The following UGGT1 variants were observed in gnomAD, a reference collection of about 807,000 sequenced individuals.
UGGT1 encodes UDP-glucose:glycoprotein glucosyltransferase 1.
In UGGT1, 107 loss-of-function variants were observed where a neutral mutation model predicts 203.9. That is an observed-to-expected ratio of 0.52 (90% CI 0.45 to 0.62). The LOEUF is 0.62. Ranked by LOEUF, UGGT1 falls within the 20% of genes least tolerant of loss-of-function variation. The pLI, the probability that UGGT1 is intolerant of heterozygous loss-of-function variation, is 0.00. For synonymous variants in UGGT1, 628 were observed against 653.5 expected (o/e 0.96, Z 0.59); for missense variants, 1,673 against 1,867.2 (o/e 0.90, Z 1.92).
At chr2:128,121,050 A>G in intron 9 of UGGT1, 149 bp from the exon 10 acceptor site, 1 of 734,702 alleles carries the variant, frequency 1.4e-6, no homozygotes, top group Non-Finnish European at 2.2e-6. Context: ...ATAAAACCTG[A>G]AATTAAATCA....
chr2:128,117,958 T>C (rs1292688356), intron 8 of UGGT1, among the ~76,000 whole-genome samples: 1 of 89,026 alleles, frequency 1.1e-5, no homozygotes, highest in Non-Finnish European at 2.4e-5. Context: ...TATTAGGACA[T>C]TTTGTGTGTG....
intron 23 of UGGT1, 50 bp from the exon 24 acceptor site, chr2:128,160,410 T>C: frequency 6.5e-7 from 1 of 1,533,768 alleles, no homozygotes; most frequent in Non-Finnish European, 8.8e-7. Context: ...TTTGTTTATA[T>C]GGTTTGCTTA....
At chr2:128,135,095 G>A (rs904911251) in intron 15 of UGGT1, 134 bp downstream of exon 15, 1 of 732,200 alleles carries the variant, frequency 1.4e-6, no homozygotes, top group Non-Finnish European at 2.3e-6. Flanking sequence ...TTTATCTTCT[G>A]GTCAGTATGA....
rs770392849 is a variant in UGGT1 at position 128,120,396 on chromosome 2, A to C, written c.913A>C (p.Arg305=). The C allele has an allele frequency of 6.2e-7, 1 of 1,614,126 alleles. No individual in the cohort carries two copies. Among genetic ancestry groups the C allele is most frequent in the South Asian group, 1.1e-5 (1 of 91,066 alleles). ...CCTGGAGGGACAGTTGAAAGAACTCAGAAAGCATCTTGTAGAGAGCACCAA... is the reference window on the plus strand; with the variant it reads ...CCTGGAGGGACAGTTGAAAGAACTCCGAAAGCATCTTGTAGAGAGCACCAA... ...PDLEGQLKEL[R]KHLVESTNEM... is the part of the protein sequence containing the mutation. Residue 305 remains arginine, a synonymous_variant, in exon 9 of 41, where the codon AGA becomes CGA. Coordinates refer to ENST00000259253, the MANE Select transcript of UGGT1 (RefSeq NM_020120.4).
intron 12 of UGGT1, among the ~76,000 whole-genome samples, chr2:128,127,684 C>T (rs1688668920): frequency 6.6e-6 from 1 of 152,098 alleles, no homozygotes; most frequent in South Asian, 2.1e-4. Context: ...CTGAGGCTGT[C>T]CTTTTAGAAG....
intron 16 of UGGT1, among the ~76,000 whole-genome samples, chr2:128,140,923 A>G (rs1689390142): frequency 6.6e-6 from 1 of 152,062 alleles, no homozygotes; most frequent in African/African-American, 2.4e-5. Context: ...ACTGAGCTTA[A>G]ACAATCTTAC....
chr2:128,092,449 C>T (rs543572306), intron 1 of UGGT1, among the ~76,000 whole-genome samples: 30 of 151,564 alleles, frequency 2.0e-4, no homozygotes, highest in Non-Finnish European at 1.3e-4. Flanking sequence ...AGTAGCATAG[C>T]ACATTTATAA....
intron 6 of UGGT1, among the ~76,000 whole-genome samples, chr2:128,114,771 C>T (rs978209785): frequency 5.9e-5 from 9 of 152,250 alleles, no homozygotes; most frequent in African/African-American, 2.2e-4. Flanking sequence ...TTGCTTCTAC[C>T]TTGGAATTCC....
At chr2:128,166,828 AT>A (rs1375203827) in intron 26 of UGGT1, among the ~76,000 whole-genome samples, 2 of 152,232 alleles carry the variant, frequency 1.3e-5, no homozygotes, top group African/African-American at 2.4e-5. Context: ...GGCTTTAAAT[AT>A]AGATGCCTGT....
chr2:128,144,914 C>T lies in UGGT1; in HGVS notation c.1852-889C>T, dbSNP rs185858732. On this transcript the variant is annotated intron_variant, in intron 17 of 40. Coordinates refer to ENST00000259253, the MANE Select transcript of UGGT1 (RefSeq NM_020120.4). ...GACATTTGTAAAGTTGCCCACTTTA[C>T]ATCTTGGGTGGTAATACAGTTTTTA... is the stretch of plus-strand genomic sequence containing the variant. 1.1e-4 allele frequency among the ~76,000 whole-genome samples: 17 copies of T among 152,326 alleles called. No individual in the cohort carries two copies. In the East Asian group the frequency reaches 3.1e-3, roughly 28 times the overall value.
At chr2:128,120,097 C>T (rs1323994520) in intron 8 of UGGT1, among the ~76,000 whole-genome samples, 1 of 151,994 alleles carries the variant, frequency 6.6e-6, no homozygotes. Context: ...CCTTTGTTAA[C>T]CACTCTCAGT....
chr2:128,155,920 T>TG (rs2104723179), intron 20 of UGGT1, among the ~76,000 whole-genome samples: 1 of 152,342 alleles, frequency 6.6e-6, no homozygotes, highest in Non-Finnish European at 1.5e-5. Flanking sequence ...AAAATGACTG[T>TG]ACAGGGTTAA....
chr2:128,104,246 G>A (rs1276054562), intron 3 of UGGT1, among the ~76,000 whole-genome samples: 1 of 151,958 alleles, frequency 6.6e-6, no homozygotes, highest in Admixed American at 6.5e-5. Flanking sequence ...TCTTGTTTTT[G>A]TTCTATCGTG....
intron 30 of UGGT1, 48 bp from the exon 31 acceptor site, chr2:128,174,725 A>G (rs1691288103): frequency 5.7e-6 from 8 of 1,412,930 alleles, no homozygotes; most frequent in Non-Finnish European, 7.9e-6. Flanking sequence ...CAGAAATAAC[A>G]TTTTGGTGTT....
chr2:128,142,514 G>A (rs1362493620), intron 16 of UGGT1, among the ~76,000 whole-genome samples: 2 of 150,722 alleles, frequency 1.3e-5, no homozygotes, highest in Admixed American at 1.3e-4. Context: ...GAACCTGGGA[G>A]GTAGAGGTTG....
intron 17 of UGGT1, among the ~76,000 whole-genome samples, chr2:128,143,518 A>G (rs1243007106): frequency 6.6e-6 from 1 of 152,222 alleles, no homozygotes; most frequent in African/African-American, 2.4e-5. Context: ...GTGGATGATT[A>G]TGATATCAAA....
chr2:128,102,074 C>A (rs1228877975), intron 2 of UGGT1, among the ~76,000 whole-genome samples: 8 of 152,166 alleles, frequency 5.3e-5, no homozygotes, highest in African/African-American at 1.9e-4. Context: ...ACCATCACCA[C>A]CCCCTTCTCT....
chr2:128,187,692 A>T (rs1365600781), intron 40 of UGGT1, 78 bp downstream of exon 40: 2 of 1,416,200 alleles, frequency 1.4e-6, no homozygotes, highest in South Asian at 1.6e-5. Context: ...CAATAGAATA[A>T]TGGATAAAAG....
rs775747791 is a variant in UGGT1, at chr2:128,192,373, T to C, written c.*2631T>C. 2 of 151,960 alleles carry C rather than the reference T, an allele frequency of 1.3e-5. No homozygotes were observed. Among genetic ancestry groups the C allele is most frequent in the Non-Finnish European group, 2.9e-5 (2 of 67,996 alleles). The allele number at this position is 151,960 out of a possible 1,614,324, so 9.4% of individuals were successfully genotyped here. On this transcript the variant is annotated 3_prime_UTR_variant, in exon 41 of 41. Transcript: ENST00000259253. ...AAATATTTTCTCCAAGAAGGCATAC[T>C]GTAACAGAAAAGATAGGTAAGATAT... is the stretch of plus-strand genomic sequence containing the variant.
Sources: allele counts gnomAD v4.1 joint callset (sites outside exome capture counted in the v4.1 genomes callset), GRCh38; gene constraint gnomAD v4.1.1; transcripts MANE v1.5; gene names NCBI Gene and HGNC (gene_info 2026-07-23, HGNC 2026-07-21).